GUCD1: variants seen among roughly 807,000 people sequenced by gnomAD.
GUCD1 encodes guanylyl cyclase domain containing 1.
GUCD1 carries 17 observed loss-of-function variants against 28.3 expected under a neutral mutation model. That is an observed-to-expected ratio of 0.60 (90% CI 0.41 to 0.90). GUCD1 has a LOEUF of 0.90. GUCD1 is among the 40% of genes least tolerant of loss of function. GUCD1 has a pLI of 0.00. For synonymous variants in GUCD1, 129 were observed against 123.3 expected (o/e 1.05, Z -0.30); for missense variants, 279 against 305.5 (o/e 0.91, Z 0.65).
intron 1 of GUCD1, among the ~76,000 whole-genome samples, 183 bp downstream of exon 1, chr22:24,554,766 C>T (rs1000351879): frequency 2.6e-5 from 4 of 152,232 alleles, no homozygotes; most frequent in African/African-American, 7.2e-5. Flanking sequence ...CCCGGACCTT[C>T]CCACCATGCT....
Position 24,542,327 on chromosome 22 carries a change from C to G in GUCD1, c.*679G>C, listed in dbSNP as rs1032587690. The G allele has an allele frequency of 2.0e-5, 3 of 152,348 alleles. No individual in the cohort carries two copies. Among genetic ancestry groups the G allele is most frequent in the African/African-American group, 7.2e-5 (3 of 41,462 alleles). The allele number at this position is 152,348 out of a possible 1,614,324, so 9.4% of individuals were successfully genotyped here. A position where few individuals can be genotyped will look rare whatever the true frequency, so the allele number is the denominator to read the frequency against. ...GGATCTAGGCCCGAGAGCCCTCCATCTGACAGAGCTGGAGGACCTGGAGGG... is the reference window on the plus strand; with the variant it reads ...GGATCTAGGCCCGAGAGCCCTCCATGTGACAGAGCTGGAGGACCTGGAGGG... On this transcript the variant is annotated 3_prime_UTR_variant, in exon 6 of 6. Coordinates refer to ENST00000435822, the MANE Select transcript of GUCD1 (RefSeq NM_001284254.2).
Position 24,542,691 on chromosome 22 carries a change from GGA to G in GUCD1, c.*313_*314del. 1 of 352,846 alleles carries G rather than the reference GGA, an allele frequency of 2.8e-6. No homozygotes were observed. Among genetic ancestry groups the G allele is most frequent in the Non-Finnish European group, 5.5e-6 (1 of 181,998 alleles). 21.9% of individuals were successfully genotyped at this position (352,846 alleles called of 1,614,324 possible). On this transcript the variant is annotated 3_prime_UTR_variant, in exon 6 of 6. Coordinates refer to ENST00000435822, the MANE Select transcript of GUCD1 (RefSeq NM_001284254.2). The stretch of plus-strand genomic sequence containing the variant: ...CGGTCTGTGGGGAGACCATTGCCAT[GGA>G]TCTGGCTCAAAGGCAACAAGGGCAC...
At chr22:24,548,818 A>ATAGC in intron 2 of GUCD1, 99 bp downstream of exon 2, 1 of 879,626 alleles carries the variant, frequency 1.1e-6, no homozygotes, top group Non-Finnish European at 1.8e-6. Flanking sequence ...CCAACCAAAG[A>ATAGC]TAGCTACATG....
chr22:24,550,571 A>G (rs2044845499), intron 1 of GUCD1, among the ~76,000 whole-genome samples: 1 of 152,188 alleles, frequency 6.6e-6, no homozygotes, highest in African/African-American at 2.4e-5. Context: ...TTGTTTCCCC[A>G]TCTGGCAGGT....
upstream of GUCD1, chr22:24,555,646 T>G (rs1601560406): frequency 1.9e-6 from 3 of 1,550,682 alleles, no homozygotes; most frequent in East Asian, 4.9e-5. Flanking sequence ...AATGAAATTG[T>G]GACGGGAAGT....
At position 24,543,973 on chromosome 22, in the gene GUCD1, T is replaced by C. The variant is rs772012267; in HGVS notation, c.497A>G (p.Tyr166Cys). 5.6e-6 allele frequency: 9 copies of C among 1,613,958 alleles called. No homozygotes were observed. In the Middle Eastern group the frequency reaches 4.9e-4, roughly 89 times the overall value. The change falls in exon 5 of 6, where the codon TAC becomes TGC. Residue 166 changes from tyrosine to cysteine, a missense_variant. Coordinates refer to ENST00000435822, the MANE Select transcript of GUCD1 (RefSeq NM_001284254.2). The part of the protein sequence containing the change: ...HCDLCSSPVK[Y>C]CCFTPSGHHC... ...GTGGCCACTGGGGGTGAAGCAGCAGTACTTGACAGGGCTGGAGCACAGGTC... is the reference window on the plus strand; with the variant it reads ...GTGGCCACTGGGGGTGAAGCAGCAGCACTTGACAGGGCTGGAGCACAGGTC...
At chr22:24,551,193 T>C (rs2044862500) in intron 1 of GUCD1, among the ~76,000 whole-genome samples, 1 of 152,212 alleles carries the variant, frequency 6.6e-6, no homozygotes, top group Non-Finnish European at 1.5e-5. Context: ...TGCCCCCAGC[T>C]GGGGCCTGGT....
intron 1 of GUCD1, among the ~76,000 whole-genome samples, chr22:24,552,624 T>G (rs1180443387): frequency 6.6e-6 from 1 of 151,830 alleles, no homozygotes; most frequent in Non-Finnish European, 1.5e-5. Context: ...ATACAAACAT[T>G]AGCCGGGCAG....
chr22:24,555,269 C>G, upstream of GUCD1: 1 of 1,345,586 alleles, frequency 7.4e-7, no homozygotes, highest in Non-Finnish European at 9.5e-7. Flanking sequence ...TCCGGCCATT[C>G]GCCGCCTCAG....
chr22:24,548,509 G>A (rs954056848), intron 2 of GUCD1, among the ~76,000 whole-genome samples: 4 of 152,220 alleles, frequency 2.6e-5, no homozygotes, highest in African/African-American at 4.8e-5. Flanking sequence ...AAAAACTCTT[G>A]TACAAGGTGA....
intron 4 of GUCD1, 95 bp from the exon 5 acceptor site, chr22:24,544,178 CT>C: frequency 6.6e-7 from 1 of 1,515,772 alleles, no homozygotes; most frequent in Non-Finnish European, 8.9e-7. Flanking sequence ...TGTTACAAAG[CT>C]TGGGGATCGG....
intron 3 of GUCD1, chr22:24,547,613 G>A (rs1002280157): frequency 1.1e-5 from 4 of 373,042 alleles, no homozygotes; most frequent in African/African-American, 6.0e-5. Flanking sequence ...GAGGACAGTA[G>A]GAAAGAACGT....
chr22:24,554,776 T>C (rs1443524412), intron 1 of GUCD1, among the ~76,000 whole-genome samples, 173 bp downstream of exon 1: 1 of 152,136 alleles, frequency 6.6e-6, no homozygotes, highest in African/African-American at 2.4e-5. Flanking sequence ...CCCACCATGC[T>C]GACAAGGGTC....
In GUCD1 at chr22:24,541,330, G is replaced by C. The variant is rs539062649; in HGVS notation, c.*1676C>G. The C allele has an allele frequency of 6.6e-6, 1 of 152,348 alleles. No homozygotes were observed. The highest frequency in any genetic ancestry group is 1.5e-5 in the Non-Finnish European group (1 of 68,126). 9.4% of individuals were successfully genotyped at this position (152,348 alleles called of 1,614,324 possible). On this transcript the variant is annotated 3_prime_UTR_variant, in exon 6 of 6. Transcript: ENST00000435822. ...TTGGGCATTGGAAGAGCAGGACCCA[G>C]GAGTGCAGGGATGGTATCACTGTTG...
rs1028765414 is a variant in GUCD1 at position 24,541,436 on chromosome 22, T to G, written c.*1570A>C. 1 of 152,266 alleles carries G rather than the reference T, an allele frequency of 6.6e-6. No individual in the cohort carries two copies. The highest frequency in any genetic ancestry group is 2.4e-5 in the African/African-American group (1 of 41,452). The allele number at this position is 152,266 out of a possible 1,614,324, so 9.4% of individuals were successfully genotyped here. On this transcript the variant is annotated 3_prime_UTR_variant, in exon 6 of 6. Coordinates refer to ENST00000435822, the MANE Select transcript of GUCD1 (RefSeq NM_001284254.2). ...TGAGCTCAGGGGTTCGAGACCAGCC[T>G]GGCCAACATGGCGAAGCCTGGTCTC... is the stretch of plus-strand genomic sequence containing the variant.
chr22:24,542,742 G>A lies in GUCD1; in HGVS notation c.*264C>T, dbSNP rs2044623851. The A allele has an allele frequency of 2.3e-6, 1 of 438,856 alleles. No individual in the cohort carries two copies. Among genetic ancestry groups the A allele is most frequent in the African/African-American group, 2.0e-5 (1 of 49,974 alleles). 27.2% of individuals were successfully genotyped at this position (438,856 alleles called of 1,614,324 possible). A position where few individuals can be genotyped will look rare whatever the true frequency, so the allele number is the denominator to read the frequency against. ...ACTGTCGGGACTGGACTTCCTGTGGGCGCAGCTGGAGTCAAGGCTTGGGGT... is the reference window on the plus strand; with the variant it reads ...ACTGTCGGGACTGGACTTCCTGTGGACGCAGCTGGAGTCAAGGCTTGGGGT... On this transcript the variant is annotated 3_prime_UTR_variant, in exon 6 of 6. Transcript: ENST00000435822.
intron 3 of GUCD1, 115 bp downstream of exon 3, chr22:24,547,793 G>A: frequency 9.3e-7 from 1 of 1,072,218 alleles, no homozygotes; most frequent in Non-Finnish European, 1.4e-6. Flanking sequence ...CTGCACACCT[G>A]GGTATCTACC....
intron 3 of GUCD1, 153 bp downstream of exon 3, chr22:24,547,755 T>C: frequency 2.6e-6 from 2 of 755,498 alleles, no homozygotes; most frequent in Non-Finnish European, 4.3e-6. Context: ...ATCCTGCCTA[T>C]AGCCTCTCTG....
chr22:24,547,841 C>T, intron 3 of GUCD1, 67 bp downstream of exon 3: 1 of 1,547,788 alleles, frequency 6.5e-7, no homozygotes, highest in Non-Finnish European at 8.9e-7. Flanking sequence ...CTTCCAACTA[C>T]TGGAACCAGG....
Sources: allele counts gnomAD v4.1 joint callset (sites outside exome capture counted in the v4.1 genomes callset), GRCh38; gene constraint gnomAD v4.1.1; transcripts MANE v1.5; gene names NCBI Gene and HGNC (gene_info 2026-07-23, HGNC 2026-07-21).